The following MTUS2 variants were observed in gnomAD, a reference collection of about 807,000 sequenced individuals.
MTUS2 encodes the protein microtubule-associated tumor suppressor candidate 2.
A neutral mutation model predicts 114.1 loss-of-function variants in MTUS2; 40 were observed. That is an observed-to-expected ratio of 0.35 (90% CI 0.27 to 0.46). The LOEUF (loss-of-function observed/expected upper bound fraction) is 0.46, where lower values mean the gene tolerates loss of function less well. Among genes scored for constraint, MTUS2 ranks in the 20% least tolerant of loss-of-function variants. The pLI, the probability that MTUS2 is intolerant of heterozygous loss-of-function variation, is 1.00. For missense variants in MTUS2, 1,679 were observed against 1,705.4 expected (o/e 0.98, Z 0.27); for synonymous variants, 688 against 672.0 (o/e 1.02, Z -0.37).
At chr13:28,985,785 T>A (rs1593357131) in intron 2 of MTUS2, among the ~76,000 whole-genome samples, 1 of 152,240 alleles carries the variant, frequency 6.6e-6, no homozygotes, top group East Asian at 1.9e-4. Context: ...AGCAGATTGA[T>A]CCTCCATGAT....
At chr13:29,155,010 G>A (rs1238940198) in intron 5 of MTUS2, among the ~76,000 whole-genome samples, 6 of 152,212 alleles carry the variant, frequency 3.9e-5, no homozygotes, top group Admixed American at 2.6e-4. Flanking sequence ...GGAGCCTAAT[G>A]CCATGAGAGC....
chr13:29,101,137 C>A (rs951594697), intron 5 of MTUS2, among the ~76,000 whole-genome samples, 167 bp downstream of exon 5: 1 of 152,048 alleles, frequency 6.6e-6, no homozygotes, highest in African/African-American at 2.4e-5. Flanking sequence ...CCATTTGACA[C>A]CATCAGTTAT....
chr13:29,063,452 G>A (rs1888513572), intron 4 of MTUS2, among the ~76,000 whole-genome samples: 1 of 152,166 alleles, frequency 6.6e-6, no homozygotes. Flanking sequence ...TGAGAGTACT[G>A]CATTCTATAA....
In MTUS2 at chr13:28,846,253, A is replaced by T. The variant is rs374359841; in HGVS notation, c.-243+6403A>T. 8.5e-5 allele frequency among the ~76,000 whole-genome samples: 13 copies of T among 152,196 alleles called. No homozygotes were observed. In the East Asian group the frequency reaches 1.7e-3, roughly 20 times the overall value. On this transcript the variant is annotated intron_variant, in intron 2 of 15. Transcript: ENST00000612955. ...AACCCACGTGAGAGACCACGGGGGA[A>T]ATCTAAACTAAGTTTTTGAGGTCTC...
At position 29,480,303 on chromosome 13, in the gene MTUS2, C is replaced by A; in HGVS notation, c.3338C>A (p.Ala1113Glu). Residue 1113 changes from alanine to glutamate, a missense_variant, in exon 10 of 16, where the codon GCG becomes GAG. Around this residue, in one of 3 missense-constraint regions of MTUS2, gnomAD observed 822 missense variants for 899.7 expected, o/e 0.91. Coordinates refer to ENST00000612955, the MANE Select transcript of MTUS2 (RefSeq NM_001033602.4). This position sits in a 1 kb window ranked among gnomAD's most constrained non-coding sequence, Gnocchi z 4.4. The stretch of plus-strand genomic sequence containing the variant: ...CAGCTGCAATTCGAGGCGGAAATGG[C>A]GCGCCTGCAGGAGGAGCACGGTGAC... ...RLQLQFEAEMARLQEEHGDQL... is the reference protein window; with the variant it reads ...RLQLQFEAEMERLQEEHGDQL... 1.3e-6 allele frequency: 2 copies of A among 1,555,772 alleles called. No individual in the cohort carries two copies. The highest frequency in any genetic ancestry group is 8.7e-7 in the Non-Finnish European group (1 of 1,149,980).
intron 8 of MTUS2, among the ~76,000 whole-genome samples, chr13:29,371,456 G>A (rs11840004): frequency 0.032 from 4,903 of 152,186 alleles, 246 homozygotes; most frequent in African/African-American, 0.11. Flanking sequence ...GACCTCAGGC[G>A]ATCTGCTTGC....
chr13:29,484,500 C>T (rs1453773032), intron 10 of MTUS2, among the ~76,000 whole-genome samples: 1 of 152,202 alleles, frequency 6.6e-6, no homozygotes, highest in African/African-American at 2.4e-5. Context: ...TGGAGGGCTG[C>T]AGAGGGGCAA....
Position 29,278,775 on chromosome 13 carries a change from G to A in MTUS2, c.2645-2929G>A, listed in dbSNP as rs144424398. ...CTTCTTAAGCTTGATGGTCAATTGT[G>A]TTATCCTCACCTTTTTGTATGTCTG... On this transcript the variant is annotated intron_variant, in intron 5 of 15. Transcript: ENST00000612955. Among the ~76,000 whole-genome samples the A allele has an allele frequency of 1.6e-4, 24 of 152,226 alleles. No homozygotes were observed. The East Asian group carries it at 4.4e-3, about 28-fold the overall frequency.
chr13:28,880,315 T>C (rs1374536210), intron 2 of MTUS2, among the ~76,000 whole-genome samples: 1 of 152,176 alleles, frequency 6.6e-6, no homozygotes, highest in East Asian at 1.9e-4. Context: ...TACATTTTAT[T>C]AAGATCAGAA....
intron 1 of MTUS2, among the ~76,000 whole-genome samples, chr13:28,839,097 TAGC>T (rs1875295783): frequency 6.6e-6 from 1 of 152,122 alleles, no homozygotes; most frequent in African/African-American, 2.4e-5. Flanking sequence ...AACCTAATAA[TAGC>T]AGGCATTCTG....
At chr13:28,927,896 T>C (rs1434245832) in intron 2 of MTUS2, among the ~76,000 whole-genome samples, 1 of 152,154 alleles carries the variant, frequency 6.6e-6, no homozygotes, top group Non-Finnish European at 1.5e-5. Context: ...CAAATCAGCA[T>C]GGTACTGGCA....
At chr13:28,933,676 T>C (rs1881743742) in intron 2 of MTUS2, among the ~76,000 whole-genome samples, 1 of 152,186 alleles carries the variant, frequency 6.6e-6, no homozygotes, top group African/African-American at 2.4e-5. Context: ...CCAGTGACTG[T>C]TGTTTTGTTT....
At chr13:28,947,242 TCGCTGCTTGAAAGC>T (rs997899308) in intron 2 of MTUS2, among the ~76,000 whole-genome samples, 27 of 152,160 alleles carry the variant, frequency 1.8e-4, no homozygotes, top group Admixed American at 9.2e-4. Flanking sequence ...GAAAAGAGTG[TCGCTGCTTGAAAGC>T]AGGGGATGCT....
chr13:29,370,674 A>T (rs1176315071), intron 8 of MTUS2, among the ~76,000 whole-genome samples: 1 of 152,168 alleles, frequency 6.6e-6, no homozygotes, highest in African/African-American at 2.4e-5. Flanking sequence ...CAGCCTCCAG[A>T]CTGTGAACAA....
chr13:28,867,981 C>T (rs934841239), intron 2 of MTUS2, among the ~76,000 whole-genome samples: 1 of 152,148 alleles, frequency 6.6e-6, no homozygotes, highest in African/African-American at 2.4e-5. Flanking sequence ...CTGAAAACAC[C>T]ATCACAAATA....
Position 29,386,321 on chromosome 13 carries a change from C to T in MTUS2, c.3117+26848C>T, listed in dbSNP as rs755158840. ...GCCAGTGACTTATAGCCCATGGGCACGGCGAAGGGTCAGGGGATGGAACAT... is the reference window on the plus strand; with the variant it reads ...GCCAGTGACTTATAGCCCATGGGCATGGCGAAGGGTCAGGGGATGGAACAT... On this transcript the variant is annotated intron_variant, in intron 8 of 15. Coordinates refer to ENST00000612955, the MANE Select transcript of MTUS2 (RefSeq NM_001033602.4). 1.2e-4 allele frequency among the ~76,000 whole-genome samples: 18 copies of T among 152,202 alleles called. No homozygotes were observed. In the South Asian group the frequency reaches 1.5e-3, roughly 12 times the overall value.
At chr13:29,140,786 C>G (rs916170149) in intron 5 of MTUS2, among the ~76,000 whole-genome samples, 1 of 152,144 alleles carries the variant, frequency 6.6e-6, no homozygotes, top group African/African-American at 2.4e-5. Flanking sequence ...GGTGGACATT[C>G]AAGAAGGCTT....
At chr13:29,120,122 A>T (rs1215375014) in intron 5 of MTUS2, among the ~76,000 whole-genome samples, 3 of 152,178 alleles carry the variant, frequency 2.0e-5, no homozygotes, top group African/African-American at 7.2e-5. Flanking sequence ...ATTGAAAAGG[A>T]TAGTAATACA....
In MTUS2 at chr13:28,915,128, A is replaced by T. The variant is rs371866259; in HGVS notation, c.-243+75278A>T. ...TTGTTATGTGTGAATTGAGGATCTC[A>T]TTCTTTTTTAATGGCAGAACAGTAC... On this transcript the variant is annotated intron_variant, in intron 2 of 15. Transcript: ENST00000612955. Among the ~76,000 whole-genome samples, 14 of 151,712 alleles carry T rather than the reference A, an allele frequency of 9.2e-5. No individual in the cohort carries two copies. In the East Asian group the frequency reaches 2.5e-3, roughly 27 times the overall value.
Sources: allele counts gnomAD v4.1 joint callset (sites outside exome capture counted in the v4.1 genomes callset), GRCh38; gene constraint gnomAD v4.1.1; regional missense constraint gnomAD v4.1.1; non-coding constraint Gnocchi (gnomAD v3.1); transcripts MANE v1.5; gene names NCBI Gene and HGNC (gene_info 2026-07-23, HGNC 2026-07-21).